Variants in CDH13 observed in about 807,000 individuals in gnomAD.
The protein encoded by CDH13 is cadherin-13.
Under a neutral mutation model 63.8 loss-of-function variants are expected in CDH13, and 24 were observed. That is an observed-to-expected ratio of 0.38 (90% confidence interval 0.27 to 0.53). The LOEUF is 0.53. Among genes scored for constraint, CDH13 ranks in the 20% least tolerant of loss-of-function variants. The pLI, the probability that CDH13 is intolerant of heterozygous loss-of-function variation, is 0.85. For missense variants in CDH13, 1,049 were observed against 903.1 expected (o/e 1.16, Z -2.07); for synonymous variants, 503 against 355.3 (o/e 1.42, Z -4.67).
chr16:83,050,177 C>T (rs187099655), intron 3 of CDH13, among the ~76,000 whole-genome samples: 65 of 152,214 alleles, frequency 4.3e-4, no homozygotes, highest in Admixed American at 2.8e-3. Context: ...CAGCCAGACC[C>T]GGGCCTCCTT....
intron 1 of CDH13, among the ~76,000 whole-genome samples, chr16:82,654,125 A>G (rs1198464326): frequency 6.6e-6 from 1 of 152,118 alleles, no homozygotes; most frequent in Non-Finnish European, 1.5e-5. Context: ...TCCGGCCTAC[A>G]CTGCACCAGC....
chr16:82,774,030 G>C (rs1314066615), intron 1 of CDH13, among the ~76,000 whole-genome samples: 1 of 152,010 alleles, frequency 6.6e-6, no homozygotes, highest in East Asian at 1.9e-4. Context: ...TGATCCACCT[G>C]CCTTGGCCTC....
At chr16:83,269,087 C>A (rs896215711) in intron 5 of CDH13, among the ~76,000 whole-genome samples, 1 of 152,212 alleles carries the variant, frequency 6.6e-6, no homozygotes, top group Non-Finnish European at 1.5e-5. Flanking sequence ...ACAATGACTT[C>A]ATAATCTAGA....
At chr16:83,135,387 A>G (rs16959348) in intron 4 of CDH13, among the ~76,000 whole-genome samples, 1,797 of 152,280 alleles carry the variant, frequency 0.012, 28 homozygotes, top group African/African-American at 0.041. Context: ...CACTCACACA[A>G]ATGGTCATTT....
At chr16:83,762,100 C>G (rs1483707825) in intron 11 of CDH13, among the ~76,000 whole-genome samples, 1 of 152,118 alleles carries the variant, frequency 6.6e-6, no homozygotes. Context: ...TTTTAATGAG[C>G]TGTAAATTAC....
At chr16:83,255,613 AC>A (rs1400220652) in intron 5 of CDH13, among the ~76,000 whole-genome samples, 2 of 152,260 alleles carry the variant, frequency 1.3e-5, no homozygotes, top group African/African-American at 4.8e-5. Flanking sequence ...GTCTCATTTA[AC>A]TTTTGAAAAT....
chr16:83,218,444 A>C (rs1339626142), intron 5 of CDH13, among the ~76,000 whole-genome samples: 1 of 150,300 alleles, frequency 6.7e-6, no homozygotes, highest in Non-Finnish European at 1.5e-5. Flanking sequence ...AACGTGAGCC[A>C]TGAGTCCCAA....
intron 6 of CDH13, among the ~76,000 whole-genome samples, chr16:83,468,515 C>T (rs2073374434): frequency 1.3e-5 from 2 of 152,178 alleles, no homozygotes; most frequent in South Asian, 4.1e-4. Flanking sequence ...GTTACAGCAT[C>T]CCCAGGAAAT....
chr16:83,003,740 G>A (rs1440978868), intron 2 of CDH13, among the ~76,000 whole-genome samples: 4 of 152,156 alleles, frequency 2.6e-5, no homozygotes, highest in Non-Finnish European at 5.9e-5. Context: ...CGACCCTTGG[G>A]CATCTGTGAC....
At chr16:83,236,768 A>G (rs2151809960) in intron 5 of CDH13, among the ~76,000 whole-genome samples, 1 of 152,222 alleles carries the variant, frequency 6.6e-6, no homozygotes, top group East Asian at 1.9e-4. Context: ...CATAAAAAGG[A>G]ATAGAGTAGG....
chr16:83,358,064 C>T (rs1050069131), intron 6 of CDH13, among the ~76,000 whole-genome samples: 1 of 152,188 alleles, frequency 6.6e-6, no homozygotes, highest in Non-Finnish European at 1.5e-5. Context: ...AACTGTCCAG[C>T]AGAGCAGAAG....
At chr16:82,795,496 A>G (rs1284401135) in intron 1 of CDH13, among the ~76,000 whole-genome samples, 1 of 152,194 alleles carries the variant, frequency 6.6e-6, no homozygotes, top group African/African-American at 2.4e-5. Context: ...AAGGCTCGTT[A>G]CCATGCCCTG....
At chr16:82,912,619 T>C (rs2041866166) in intron 2 of CDH13, among the ~76,000 whole-genome samples, 1 of 152,214 alleles carries the variant, frequency 6.6e-6, no homozygotes, top group Non-Finnish European at 1.5e-5. Flanking sequence ...AAGAAACAAC[T>C]AATTTGTGCT....
intron 2 of CDH13, among the ~76,000 whole-genome samples, chr16:82,988,135 A>G (rs1440845651): frequency 2.0e-5 from 3 of 152,212 alleles, no homozygotes; most frequent in Non-Finnish European, 2.9e-5. Context: ...AACCAAAGCA[A>G]TATAACCCAG....
chr16:83,238,364 A>G (rs2151811683), intron 5 of CDH13, among the ~76,000 whole-genome samples: 1 of 152,272 alleles, frequency 6.6e-6, no homozygotes, highest in East Asian at 1.9e-4. Context: ...CCCTTTATAA[A>G]ACCATCAGAT....
chr16:82,835,651 C>G (rs373024839), intron 1 of CDH13, among the ~76,000 whole-genome samples: 1 of 152,198 alleles, frequency 6.6e-6, no homozygotes, highest in East Asian at 1.9e-4. Context: ...AGGAAATGCT[C>G]TGTCCCTCCA....
intron 3 of CDH13, among the ~76,000 whole-genome samples, chr16:83,096,474 C>G (rs2034199879): frequency 6.6e-6 from 1 of 152,180 alleles, no homozygotes; most frequent in South Asian, 2.1e-4. Context: ...GGATTGCTCA[C>G]AAAAATGAAA....
chr16:83,527,320 G>T (rs369874002), intron 7 of CDH13, among the ~76,000 whole-genome samples: 1 of 151,766 alleles, frequency 6.6e-6, no homozygotes, highest in African/African-American at 2.4e-5. Flanking sequence ...ATGGTGGCAG[G>T]TGCCTGTAGT....
At chr16:82,757,625 A>G (rs767190957) in intron 1 of CDH13, among the ~76,000 whole-genome samples, 62 of 151,962 alleles carry the variant, frequency 4.1e-4, no homozygotes, top group Non-Finnish European at 4.9e-4. Context: ...AGCTTTGGTA[A>G]TAACGCCATA....
Sources: gnomAD v4.1 joint callset for allele counts (sites outside exome capture counted in the v4.1 genomes callset) on GRCh38, gnomAD v4.1.1 for gene constraint, MANE v1.5 for transcripts, NCBI Gene and HGNC (gene_info 2026-07-23, HGNC 2026-07-21) for gene names.